SMARCAD1: variants seen among roughly 807,000 people sequenced by gnomAD.
The protein encoded by SMARCAD1 is SWI/SNF-related matrix-associated actin-dependent regulator of chromatin subfamily A containing DEAD/H box 1.
A neutral mutation model predicts 127.1 loss-of-function variants in SMARCAD1; 25 were observed. That is an observed-to-expected ratio of 0.20 (90% CI 0.14 to 0.27). The LOEUF (loss-of-function observed/expected upper bound fraction) is 0.27, where lower values mean the gene tolerates loss of function less well. Among genes scored for constraint, SMARCAD1 ranks in the 10% least tolerant of loss-of-function variants. The probability of loss-of-function intolerance (pLI) is 1.00; values close to 1 mark genes in which losing one functional copy is unlikely to be tolerated. For synonymous variants in SMARCAD1, 400 were observed against 396.9 expected (o/e 1.01, Z -0.09); for missense variants, 807 against 1,206.0 (o/e 0.67, Z 4.90).
At chr4:94,255,289 G>A (rs1046377524) in intron 9 of SMARCAD1, among the ~76,000 whole-genome samples, 3 of 151,874 alleles carry the variant, frequency 2.0e-5, no homozygotes, top group African/African-American at 7.2e-5. Flanking sequence ...TTTACAAACT[G>A]TAAAGTTCAT....
chr4:94,251,959 C>T (rs1316947727), intron 8 of SMARCAD1, among the ~76,000 whole-genome samples: 1 of 152,188 alleles, frequency 6.6e-6, no homozygotes, highest in Non-Finnish European at 1.5e-5. Flanking sequence ...TCAAGCGATT[C>T]TCCTGCCTCA....
Position 94,276,353 on chromosome 4 carries a change from T to C in SMARCAD1, c.1823T>C (p.Ile608Thr). 1 of 1,614,162 alleles carries C rather than the reference T, an allele frequency of 6.2e-7. No homozygotes were observed. Among genetic ancestry groups the C allele is most frequent in the Non-Finnish European group, 8.5e-7 (1 of 1,180,024 alleles). The change falls in exon 15 of 24, where the codon ATC becomes ACC. Residue 608 changes from isoleucine (I) to threonine (T), a missense_variant. Ile to Thr is a moderately conservative substitution (Grantham distance 89, BLOSUM62 -1). Coordinates refer to ENST00000354268, the MANE Select transcript of SMARCAD1 (RefSeq NM_020159.5). ...NVIVTTYNCA[I>T]SSSDDRSLFR... ...TTTGGTGACAGATATAACTGTGCGATCAGCAGTTCTGATGACCGTAGTCTG... is the reference window on the plus strand; with the variant it reads ...TTTGGTGACAGATATAACTGTGCGACCAGCAGTTCTGATGACCGTAGTCTG...
chr4:94,276,991 A>C, intron 15 of SMARCAD1, 31 bp from the exon 16 acceptor site: 1 of 1,613,498 alleles, frequency 6.2e-7, no homozygotes. Flanking sequence ...CTTTAAGAAA[A>C]AGCTAATATA....
At chr4:94,214,601 G>C (rs1742856055) in intron 2 of SMARCAD1, among the ~76,000 whole-genome samples, 1 of 152,104 alleles carries the variant, frequency 6.6e-6, no homozygotes, top group African/African-American at 2.4e-5. Flanking sequence ...AGCTAGTGGA[G>C]AGGGAAGGAC....
chr4:94,263,576 C>G (rs1401785438), intron 9 of SMARCAD1, among the ~76,000 whole-genome samples: 1 of 151,900 alleles, frequency 6.6e-6, no homozygotes, highest in African/African-American at 2.4e-5. Flanking sequence ...ATGTATATTG[C>G]TATAAACTGT....
At chr4:94,212,426 TG>T (rs1742422326) in intron 2 of SMARCAD1, among the ~76,000 whole-genome samples, 1 of 152,150 alleles carries the variant, frequency 6.6e-6, no homozygotes, top group African/African-American at 2.4e-5. Flanking sequence ...CCACGTGCCT[TG>T]GCCTCTGAAA....
intron 6 of SMARCAD1, among the ~76,000 whole-genome samples, chr4:94,247,139 A>T (rs796554666): frequency 1.1e-4 from 17 of 152,272 alleles, no homozygotes; most frequent in African/African-American, 3.9e-4. Context: ...TGAGAGGGAC[A>T]ATTCTAGGGA....
At chr4:94,267,427 G>A (rs1014629981) in intron 10 of SMARCAD1, among the ~76,000 whole-genome samples, 4 of 152,120 alleles carry the variant, frequency 2.6e-5, no homozygotes, top group African/African-American at 9.7e-5. Flanking sequence ...TCTATGAACT[G>A]CTTTAAACAA....
chr4:94,276,485 G>A lies in SMARCAD1; in HGVS notation c.1944+11G>A, dbSNP rs1399456213. The A allele has an allele frequency of 6.2e-7, 1 of 1,613,596 alleles. No individual in the cohort carries two copies. Among genetic ancestry groups the A allele is most frequent in the Non-Finnish European group, 8.5e-7 (1 of 1,179,848 alleles). On this transcript the variant is annotated intron_variant, in intron 15 of 23. Coordinates refer to ENST00000354268, the MANE Select transcript of SMARCAD1 (RefSeq NM_020159.5). The stretch of plus-strand genomic sequence containing the variant: ...CTTATGACAATTAATGTAAGAGAAT[G>A]TTTGTAAAGTTTTCCAAATTACTGT...
intron 3 of SMARCAD1, among the ~76,000 whole-genome samples, chr4:94,228,501 T>C (rs938646569): frequency 1.6e-4 from 25 of 152,186 alleles, no homozygotes; most frequent in Admixed American, 1.6e-3. Context: ...ATACTTTTCA[T>C]ATTTCAATTT....
chr4:94,276,520 A>G (rs753672393), intron 15 of SMARCAD1, 46 bp downstream of exon 15: 10 of 1,596,534 alleles, frequency 6.3e-6, no homozygotes, highest in Non-Finnish European at 8.6e-6. Context: ...TAAAATTTAG[A>G]TTACGTAATT....
rs1200130290 is a variant in SMARCAD1 at position 94,291,119 on chromosome 4, A to G, written c.*1585A>G. On this transcript the variant is annotated 3_prime_UTR_variant, in exon 24 of 24. Transcript: ENST00000354268. ...GAATTTTACCTTTTAAAATCTCATA[A>G]TGGATATCTCATGTTTTCTGTATTA... 4.4e-6 allele frequency: 2 copies of G among 450,754 alleles called. No individual in the cohort carries two copies. Among genetic ancestry groups the G allele is most frequent in the Admixed American group, 2.4e-5 (1 of 41,674 alleles). 27.9% of individuals were successfully genotyped at this position (450,754 alleles called of 1,614,324 possible).
In SMARCAD1 at chr4:94,208,036, G is replaced by A. The variant is rs1195344754; in HGVS notation, c.-84G>A. 2.2e-6 allele frequency: 1 copy of A among 456,284 alleles called. No individual in the cohort carries two copies. The highest frequency in any genetic ancestry group is 2.4e-5 in the Admixed American group (1 of 42,176). The allele number at this position is 456,284 out of a possible 1,614,324, so 28.3% of individuals were successfully genotyped here. A position where few individuals can be genotyped will look rare whatever the true frequency, so the allele number is the denominator to read the frequency against. On this transcript the variant is annotated 5_prime_UTR_variant, in exon 1 of 24. Transcript: ENST00000354268. The stretch of plus-strand genomic sequence containing the variant: ...GTGGGCGGGCGCGAGGCCCGCTAGG[G>A]GGTTATACTGGGGAACGTGCCTGCG...
At chr4:94,266,658 C>T (rs1751772083) in intron 10 of SMARCAD1, among the ~76,000 whole-genome samples, 1 of 152,042 alleles carries the variant, frequency 6.6e-6, no homozygotes, top group East Asian at 1.9e-4. Flanking sequence ...AAGTTGTCTC[C>T]TTGCTTTAGT....
intron 6 of SMARCAD1, among the ~76,000 whole-genome samples, chr4:94,248,010 T>G (rs1373500036): frequency 6.6e-6 from 1 of 152,286 alleles, no homozygotes; most frequent in Admixed American, 6.5e-5. Flanking sequence ...TCCCTCCGCC[T>G]TCTTGTGTTC....
At chr4:94,249,589 A>T in intron 6 of SMARCAD1, 65 bp from the exon 7 acceptor site, 1 of 843,496 alleles carries the variant, frequency 1.2e-6, no homozygotes, top group East Asian at 2.4e-5. Context: ...TACAATGATA[A>T]TTGCCTTAAG....
At chr4:94,272,426 T>C (rs372092554) in intron 11 of SMARCAD1, among the ~76,000 whole-genome samples, 63 of 152,348 alleles carry the variant, frequency 4.1e-4, no homozygotes, top group African/African-American at 1.1e-3. Flanking sequence ...TGTACAAATA[T>C]ACAGCTTAGT....
intron 2 of SMARCAD1, among the ~76,000 whole-genome samples, chr4:94,211,435 A>T (rs1484334252): frequency 6.6e-6 from 1 of 152,204 alleles, no homozygotes; most frequent in Non-Finnish European, 1.5e-5. Context: ...AGGACTGGAG[A>T]TGAAAATTGG....
chr4:94,257,988 T>A (rs1750375080), intron 9 of SMARCAD1, among the ~76,000 whole-genome samples: 1 of 152,136 alleles, frequency 6.6e-6, no homozygotes, highest in South Asian at 2.1e-4. Context: ...ACTATGCAAA[T>A]GCCTTTCATA....
Sources: gnomAD v4.1 joint callset for allele counts (sites outside exome capture counted in the v4.1 genomes callset) on GRCh38, gnomAD v4.1.1 for gene constraint, MANE v1.5 for transcripts, NCBI Gene and HGNC (gene_info 2026-07-23, HGNC 2026-07-21) for gene names.